BOD1L1: variants seen among roughly 807,000 people sequenced by gnomAD.
BOD1L1 encodes the protein biorientation of chromosomes in cell division 1 like 1.
A neutral mutation model predicts 240.7 loss-of-function variants in BOD1L1; 86 were observed. That is an observed-to-expected ratio of 0.36 (90% CI 0.30 to 0.43). The LOEUF is 0.43. BOD1L1 is among the 20% of genes least tolerant of loss of function. The pLI, the probability that BOD1L1 is intolerant of heterozygous loss-of-function variation, is 1.00. For synonymous variants in BOD1L1, 1,268 were observed against 1,272.3 expected (o/e 1.00, Z 0.07); for missense variants, 3,554 against 3,643.5 (o/e 0.98, Z 0.63).
chr4:13,569,678 C>A lies in BOD1L1; in HGVS notation c.*333G>T. ...ATACTATACACAGATTACCAGTAGG[C>A]AGCCTGGCGTCTGATGGGCTGGAGG... is the stretch of plus-strand genomic sequence containing the variant. On this transcript the variant is annotated 3_prime_UTR_variant, in exon 26 of 26. Transcript: ENST00000040738. The A allele has an allele frequency of 5.6e-6, 1 of 180,044 alleles. No homozygotes were observed. Among genetic ancestry groups the A allele is most frequent in the Non-Finnish European group, 1.1e-5 (1 of 87,006 alleles). The allele number at this position is 180,044 out of a possible 1,614,324, so 11.2% of individuals were successfully genotyped here.
rs1467873372 is a variant in BOD1L1 at position 13,602,391 on chromosome 4, C to T, written c.4509G>A (p.Glu1503=). 6.2e-7 allele frequency: 1 copy of T among 1,613,834 alleles called. No individual in the cohort carries two copies. Among genetic ancestry groups the T allele is most frequent in the African/African-American group, 1.3e-5 (1 of 74,924 alleles). ...CTCTCCTAGGCCCAGTTGCCACATC[C>T]TCAGTTTGTCCGTTCCTTTGGTGTA... is the stretch of plus-strand genomic sequence containing the variant. ...SVLHQRNGQT[E]DVATGPRRAE... Residue 1503 remains glutamate (E), a synonymous_variant, in exon 10 of 26, where the codon GAG becomes GAA. Coordinates refer to ENST00000040738, the MANE Select transcript of BOD1L1 (RefSeq NM_148894.3).
chr4:13,571,088 CAGCTGT>C (rs1372831553), intron 25 of BOD1L1, among the ~76,000 whole-genome samples: 1 of 152,142 alleles, frequency 6.6e-6, no homozygotes, highest in African/African-American at 2.4e-5. Context: ...ATGTGAGCAC[CAGCTGT>C]ATTGCAAAAT....
chr4:13,615,067 T>C (rs1560216178), intron 3 of BOD1L1, among the ~76,000 whole-genome samples: 1 of 152,216 alleles, frequency 6.6e-6, no homozygotes, highest in South Asian at 2.1e-4. Flanking sequence ...CTATATTCTC[T>C]AATTATTTTA....
At chr4:13,627,222 ACT>A (rs1399229804) in intron 1 of BOD1L1, 121 bp downstream of exon 1, 19 of 397,366 alleles carry the variant, frequency 4.8e-5, no homozygotes, top group Non-Finnish European at 6.5e-5. Flanking sequence ...AGGAATGAAC[ACT>A]CTGTGCTTTG....
chr4:13,578,959 G>C (rs925254824), intron 22 of BOD1L1, among the ~76,000 whole-genome samples: 2 of 152,190 alleles, frequency 1.3e-5, no homozygotes, highest in Admixed American at 1.3e-4. Flanking sequence ...TTCTGAGACT[G>C]TATCATGGTA....
chr4:13,585,908 C>T (rs1713648768), intron 17 of BOD1L1, among the ~76,000 whole-genome samples: 1 of 152,164 alleles, frequency 6.6e-6, no homozygotes, highest in South Asian at 2.1e-4. Context: ...TGAGGCCTCC[C>T]CAGCCATGCG....
intron 25 of BOD1L1, 33 bp downstream of exon 25, chr4:13,576,805 A>T: frequency 3.2e-6 from 5 of 1,578,068 alleles, no homozygotes; most frequent in Non-Finnish European, 4.3e-6. Flanking sequence ...AAGCTGGTGA[A>T]GGTCTCTGGC....
At position 13,614,536 on chromosome 4, in the gene BOD1L1, T is replaced by C. The variant is rs1268293639; in HGVS notation, c.834A>G (p.Glu278=). Reference sequence around the variant, plus strand: ...CTGGACAGGGGAGGTCGCTGAACTCTTCAGACTTTGGGGCTGTTTCCAGTC... The same window carrying C: ...CTGGACAGGGGAGGTCGCTGAACTCCTCAGACTTTGGGGCTGTTTCCAGTC... ...GEGLETAPKS[E]EFSDLPCPVE... is the part of the protein sequence containing the mutation. The change falls in exon 4 of 26, where the codon GAA becomes GAG. Residue 278 remains glutamate (E), a synonymous_variant. Transcript: ENST00000040738. 6.2e-7 allele frequency: 1 copy of C among 1,613,902 alleles called. No individual in the cohort carries two copies. The highest frequency in any genetic ancestry group is 8.5e-7 in the Non-Finnish European group (1 of 1,179,902).
rs537004745 is a variant in BOD1L1, at chr4:13,575,467, A to T, written c.9038+1371T>A. ...GCGATCACAGCTCACTGCAGCCTCA[A>T]GCTCCTGGGCTCAAGCGATCCTCCC... On this transcript the variant is annotated intron_variant, in intron 25 of 25. Transcript: ENST00000040738. Among the ~76,000 whole-genome samples, 4 of 152,156 alleles carry T rather than the reference A, an allele frequency of 2.6e-5. No homozygotes were observed. In the South Asian group the frequency reaches 8.3e-4, roughly 32 times the overall value.
At chr4:13,572,856 T>C (rs781146787) in intron 25 of BOD1L1, 10 of 1,289,520 alleles carry the variant, frequency 7.8e-6, no homozygotes, top group Non-Finnish European at 1.0e-5. Context: ...AAACAGATTA[T>C]AGAAACACTG....
chr4:13,588,588 A>C, intron 15 of BOD1L1, 134 bp downstream of exon 15: 1 of 684,146 alleles, frequency 1.5e-6, no homozygotes, highest in Non-Finnish European at 2.4e-6. Flanking sequence ...GGTAAAAGTG[A>C]CATGTGGAAC....
chr4:13,611,754 G>A (rs1716191295), intron 5 of BOD1L1, among the ~76,000 whole-genome samples: 1 of 152,102 alleles, frequency 6.6e-6, no homozygotes, highest in Non-Finnish European at 1.5e-5. Context: ...CTTTACCATT[G>A]TTAAGTTCAA....
intron 9 of BOD1L1, among the ~76,000 whole-genome samples, chr4:13,605,783 T>C (rs1715643343): frequency 6.6e-6 from 1 of 152,182 alleles, no homozygotes; most frequent in Admixed American, 6.5e-5. Flanking sequence ...AGGCTACTTG[T>C]ACAATATTCT....
chr4:13,602,325 G>A lies in BOD1L1; in HGVS notation c.4575C>T (p.Asp1525=). Reference sequence around the variant, plus strand: ...TCACTGGACTTAAGGTGACATCTTTGTCCTTCCCTTCAGTACTAGTGGCAA... The same window carrying A: ...TCACTGGACTTAAGGTGACATCTTTATCCTTCCCTTCAGTACTAGTGGCAA... The part of the protein sequence containing the change: ...TSVATSTEGK[D]KDVTLSPVKA... Residue 1525 remains aspartate, a synonymous_variant, in exon 10 of 26, where the codon GAC becomes GAT. Coordinates refer to ENST00000040738, the MANE Select transcript of BOD1L1 (RefSeq NM_148894.3). 2 of 1,613,872 alleles carry A rather than the reference G, an allele frequency of 1.2e-6. No individual in the cohort carries two copies. Among genetic ancestry groups the A allele is most frequent in the South Asian group, 2.2e-5 (2 of 91,056 alleles).
chr4:13,579,511 TTGA>T (rs1246397520), intron 22 of BOD1L1, among the ~76,000 whole-genome samples: 2 of 152,218 alleles, frequency 1.3e-5, no homozygotes, highest in African/African-American at 4.8e-5. Flanking sequence ...ATCTTTGTTG[TTGA>T]TATCAACACT....
At chr4:13,581,235 G>A (rs1713208108) in intron 19 of BOD1L1, 28 bp from the exon 20 acceptor site, 3 of 1,459,716 alleles carry the variant, frequency 2.1e-6, no homozygotes, top group South Asian at 1.3e-5. Flanking sequence ...AACAACAACA[G>A]CAATAAGAAA....
At position 13,612,196 on chromosome 4, in the gene BOD1L1, G is replaced by A. The variant is rs374103907; in HGVS notation, c.1325-1096C>T. ...GAAATTGAAGAAAAAAAAATGGGAGGCATTGAGAAATACCTCTATGGTGTT... is the reference window on the plus strand; with the variant it reads ...GAAATTGAAGAAAAAAAAATGGGAGACATTGAGAAATACCTCTATGGTGTT... On this transcript the variant is annotated intron_variant, in intron 5 of 25. Transcript: ENST00000040738. 3.1e-4 allele frequency among the ~76,000 whole-genome samples: 47 copies of A among 152,214 alleles called. No homozygotes were observed. The South Asian group carries it at 9.5e-3, about 31-fold the overall frequency.
At chr4:13,612,310 G>T (rs868377624) in intron 5 of BOD1L1, among the ~76,000 whole-genome samples, 4 of 152,136 alleles carry the variant, frequency 2.6e-5, no homozygotes, top group Non-Finnish European at 5.9e-5. Context: ...CTCTCTACAG[G>T]CAGTTGCAAA....
chr4:13,600,411 C>T lies in BOD1L1; in HGVS notation c.6489G>A (p.Lys2163=), dbSNP rs1360804077. ...ELPISSATTI[K]CAESLQPVAA... ...CAACCGGCTGAAGACTTTCAGCACACTTGATGGTTGTTGCACTGGAGATAG... is the reference window on the plus strand; with the variant it reads ...CAACCGGCTGAAGACTTTCAGCACATTTGATGGTTGTTGCACTGGAGATAG... The change falls in exon 10 of 26, where the codon AAG becomes AAA. Residue 2163 remains lysine, a synonymous_variant. Transcript: ENST00000040738. 2.5e-6 allele frequency: 4 copies of T among 1,613,950 alleles called. No homozygotes were observed. The South Asian group carries it at 3.3e-5, about 13-fold the overall frequency.
Sources: allele counts gnomAD v4.1 joint callset (sites outside exome capture counted in the v4.1 genomes callset), GRCh38; gene constraint gnomAD v4.1.1; transcripts MANE v1.5; gene names NCBI Gene and HGNC (gene_info 2026-07-23, HGNC 2026-07-21).